Variants in EIPR1 observed in about 807,000 individuals in gnomAD.
EIPR1 encodes the protein EARP and GARP complex-interacting protein 1.
In EIPR1, 25 loss-of-function variants were observed where a neutral mutation model predicts 48.1. That is an observed-to-expected ratio of 0.52 (90% CI 0.38 to 0.73). EIPR1 has a LOEUF of 0.73. Among genes scored for constraint, EIPR1 ranks in the 30% least tolerant of loss-of-function variants. The probability of loss-of-function intolerance (pLI) is 0.00; values close to 1 mark genes in which losing one functional copy is unlikely to be tolerated. For missense variants in EIPR1, 415 were observed against 506.2 expected (o/e 0.82, Z 1.73); for synonymous variants, 204 against 201.9 (o/e 1.01, Z -0.09).
At chr2:3,198,836 C>T (rs187275316) in intron 5 of EIPR1, among the ~76,000 whole-genome samples, 30 of 152,158 alleles carry the variant, frequency 2.0e-4, no homozygotes, top group African/African-American at 5.3e-4. Context: ...AAGGTCAGGG[C>T]GAAACTACAA....
At chr2:3,259,364 C>T (rs963697587) in intron 3 of EIPR1, among the ~76,000 whole-genome samples, 1 of 103,376 alleles carries the variant, frequency 9.7e-6, no homozygotes, top group African/African-American at 3.5e-5. Context: ...CCTGTAAACG[C>T]CAGCTCACCA....
intron 1 of EIPR1, among the ~76,000 whole-genome samples, chr2:3,375,236 G>C (rs532852529): frequency 0.012 from 1,325 of 106,318 alleles, 15 homozygotes; most frequent in Non-Finnish European, 0.018. Flanking sequence ...GTTGTGGGGT[G>C]GGGGGAGGGG....
intron 3 of EIPR1, among the ~76,000 whole-genome samples, chr2:3,297,745 G>A (rs577947630): frequency 6.6e-6 from 1 of 152,326 alleles, no homozygotes; most frequent in South Asian, 2.1e-4. Flanking sequence ...CACAAAACCA[G>A]GTAGTGGGCC....
chr2:3,267,744 C>A (rs1294388691), intron 3 of EIPR1, among the ~76,000 whole-genome samples: 1 of 152,148 alleles, frequency 6.6e-6, no homozygotes, highest in Non-Finnish European at 1.5e-5. Context: ...CTAGCCTGCA[C>A]CCCATGAGCT....
intron 3 of EIPR1, among the ~76,000 whole-genome samples, chr2:3,283,024 G>A (rs940681571): frequency 6.6e-6 from 1 of 152,180 alleles, no homozygotes; most frequent in African/African-American, 2.4e-5. Flanking sequence ...TGCAAACTCT[G>A]CTTTATTTTG....
intron 3 of EIPR1, among the ~76,000 whole-genome samples, chr2:3,263,720 C>T (rs190047362): frequency 7.9e-5 from 12 of 152,058 alleles, no homozygotes; most frequent in Middle Eastern, 3.4e-3. Flanking sequence ...TTCCCCAGGA[C>T]GCGGCACGGT....
At chr2:3,199,909 ATCTGGGCACACATGGG>A (rs1664965236) in intron 5 of EIPR1, among the ~76,000 whole-genome samples, 2 of 47,786 alleles carry the variant, frequency 4.2e-5, no homozygotes, top group Admixed American at 3.1e-4. Context: ...GTGTGTCTGC[ATCTGGGCACACATGGG>A]GGGGTGTCCA....
chr2:3,318,186 G>A (rs891609719), intron 3 of EIPR1, among the ~76,000 whole-genome samples: 4 of 152,224 alleles, frequency 2.6e-5, no homozygotes, highest in Admixed American at 2.0e-4. Context: ...GCAGAAGAGC[G>A]CAGCACACCA....
chr2:3,215,751 T>G (rs775086964), intron 4 of EIPR1, among the ~76,000 whole-genome samples: 4 of 152,210 alleles, frequency 2.6e-5, no homozygotes, highest in Non-Finnish European at 4.4e-5. Context: ...CATACCTCCC[T>G]TACACCGTCA....
chr2:3,333,347 A>G (rs1253955220), intron 3 of EIPR1, among the ~76,000 whole-genome samples: 2 of 152,162 alleles, frequency 1.3e-5, no homozygotes, highest in Admixed American at 1.3e-4. Context: ...GCCACGTCCT[A>G]AAGAAGAGCC....
chr2:3,317,909 G>A (rs758239563), intron 3 of EIPR1, among the ~76,000 whole-genome samples: 17 of 152,322 alleles, frequency 1.1e-4, no homozygotes, highest in East Asian at 3.9e-4. Context: ...CTCCAGACCC[G>A]GGAGGAAATT....
At chr2:3,347,437 G>A (rs1003414124) in intron 2 of EIPR1, among the ~76,000 whole-genome samples, 49 of 152,184 alleles carry the variant, frequency 3.2e-4, no homozygotes, top group Admixed American at 1.8e-3. Flanking sequence ...ATAAGGTGGA[G>A]TTTCCCTGCA....
intron 2 of EIPR1, among the ~76,000 whole-genome samples, chr2:3,339,810 C>T (rs553584286): frequency 7.0e-4 from 107 of 152,284 alleles, no homozygotes; most frequent in African/African-American, 2.5e-3. Context: ...ATTAGCCGGG[C>T]GTGGTGGCGG....
At chr2:3,350,074 C>T (rs559787998) in intron 2 of EIPR1, among the ~76,000 whole-genome samples, 137 of 142,390 alleles carry the variant, frequency 9.6e-4, no homozygotes, top group East Asian at 2.9e-3. Flanking sequence ...GCCGAGATCA[C>T]GCCACTGCAC....
At chr2:3,345,836 T>C (rs949750557) in intron 2 of EIPR1, among the ~76,000 whole-genome samples, 1 of 152,096 alleles carries the variant, frequency 6.6e-6, no homozygotes, top group South Asian at 2.1e-4. Context: ...TATCTTTCCC[T>C]AGATCTAGCT....
At chr2:3,366,298 C>G (rs887048034) in intron 1 of EIPR1, among the ~76,000 whole-genome samples, 2 of 152,046 alleles carry the variant, frequency 1.3e-5, no homozygotes, top group African/African-American at 4.8e-5. Context: ...ACAGCAAAAA[C>G]TTGTTTCAAA....
chr2:3,271,832 T>G (rs1667709885), intron 3 of EIPR1, among the ~76,000 whole-genome samples: 1 of 152,238 alleles, frequency 6.6e-6, no homozygotes, highest in Non-Finnish European at 1.5e-5. Flanking sequence ...CATTAAAGCT[T>G]TGAAGCCAAG....
At chr2:3,206,297 G>T (rs1053624964) in intron 5 of EIPR1, among the ~76,000 whole-genome samples, 1 of 152,206 alleles carries the variant, frequency 6.6e-6, no homozygotes, top group Non-Finnish European at 1.5e-5. Context: ...AGGGTCACAC[G>T]GCAGGTAGGC....
At chr2:3,293,500 G>A (rs917790254) in intron 3 of EIPR1, among the ~76,000 whole-genome samples, 2 of 152,232 alleles carry the variant, frequency 1.3e-5, no homozygotes, top group African/African-American at 4.8e-5. Context: ...CACCCAGACA[G>A]CCGTTTAGGC....
Sources: gnomAD v4.1 joint callset for allele counts (sites outside exome capture counted in the v4.1 genomes callset) on GRCh38, gnomAD v4.1.1 for gene constraint, MANE v1.5 for transcripts, NCBI Gene and HGNC (gene_info 2026-07-23, HGNC 2026-07-21) for gene names.